INPP4B: variants seen among roughly 807,000 people sequenced by gnomAD.
INPP4B encodes the protein inositol polyphosphate-4-phosphatase type II B.
INPP4B carries 55 observed loss-of-function variants against 122.5 expected under a neutral mutation model. The observed-to-expected ratio is 0.45, with a 90% CI of 0.36 to 0.56. The LOEUF is 0.56. Ranked by LOEUF, INPP4B falls within the 20% of genes least tolerant of loss-of-function variation. The pLI is 0.00. For synonymous variants in INPP4B, 403 were observed against 388.7 expected, an observed-to-expected ratio of 1.04 and a Z score of -0.43; for missense variants, 1,000 against 1,097.7, an observed-to-expected ratio of 0.91 and a Z score of 1.26.
intron 2 of INPP4B, among the ~76,000 whole-genome samples, chr4:142,514,929 G>A (rs1216337787): frequency 1.3e-5 from 2 of 151,184 alleles, no homozygotes; most frequent in Non-Finnish European, 1.5e-5. Flanking sequence ...CTGAGTAGCT[G>A]GGACTACAGG....
At chr4:142,312,089 C>T (rs1302910494) in intron 8 of INPP4B, among the ~76,000 whole-genome samples, 1 of 152,134 alleles carries the variant, frequency 6.6e-6, no homozygotes, top group East Asian at 1.9e-4. Flanking sequence ...CACAGGATAC[C>T]AATTGAGATT....
chr4:142,066,028 T>C (rs1316063442), intron 25 of INPP4B, among the ~76,000 whole-genome samples: 2 of 151,908 alleles, frequency 1.3e-5, no homozygotes, highest in Non-Finnish European at 2.9e-5. Flanking sequence ...CCCCCAAGAG[T>C]GTAGAGCACC....
At chr4:142,303,495 T>G (rs892697477) in intron 9 of INPP4B, among the ~76,000 whole-genome samples, 8 of 152,108 alleles carry the variant, frequency 5.3e-5, no homozygotes, top group Admixed American at 2.6e-4. Flanking sequence ...AAGGCTGACC[T>G]AAGGCTCTTC....
intron 11 of INPP4B, among the ~76,000 whole-genome samples, chr4:142,244,112 C>G (rs914409024): frequency 1.3e-5 from 2 of 150,978 alleles, no homozygotes; most frequent in African/African-American, 4.9e-5. Flanking sequence ...CTCCCTCTGT[C>G]CATGTGTTCT....
chr4:142,313,203 T>A (rs1766218549), intron 8 of INPP4B, among the ~76,000 whole-genome samples: 1 of 151,850 alleles, frequency 6.6e-6, no homozygotes, highest in African/African-American at 2.4e-5. Flanking sequence ...ATTGGAGAAA[T>A]CTACACGACT....
At chr4:142,249,698 C>A (rs184088455) in intron 11 of INPP4B, among the ~76,000 whole-genome samples, 1 of 152,114 alleles carries the variant, frequency 6.6e-6, no homozygotes, top group Non-Finnish European at 1.5e-5. Flanking sequence ...CAGGATGAAA[C>A]GGCTGGTTGA....
At chr4:142,305,407 A>T (rs1379824492) in intron 9 of INPP4B, 51 bp downstream of exon 9, 1 of 1,373,922 alleles carries the variant, frequency 7.3e-7, no homozygotes, top group Admixed American at 1.9e-5. Flanking sequence ...CCATCAATAA[A>T]TATCACTTGT....
intron 2 of INPP4B, among the ~76,000 whole-genome samples, chr4:142,641,703 T>C (rs1274450968): frequency 1.3e-5 from 2 of 152,150 alleles, no homozygotes; most frequent in Non-Finnish European, 2.9e-5. Context: ...GTCTTTGCTA[T>C]TGTGAGTAGT....
chr4:142,204,276 C>G (rs1482346785), intron 14 of INPP4B, among the ~76,000 whole-genome samples: 2 of 151,960 alleles, frequency 1.3e-5, no homozygotes, highest in Non-Finnish European at 2.9e-5. Flanking sequence ...AAAACATAAG[C>G]TTGATAATTT....
At chr4:142,628,575 AAAAAAG>A in intron 2 of INPP4B, among the ~76,000 whole-genome samples, 1 of 151,376 alleles carries the variant, frequency 6.6e-6, no homozygotes, top group African/African-American at 2.4e-5. Flanking sequence ...AAAAAAAAAA[AAAAAAG>A]AATTGTTCTT....
chr4:142,494,573 T>C (rs1007947310), intron 2 of INPP4B, among the ~76,000 whole-genome samples: 11 of 152,196 alleles, frequency 7.2e-5, no homozygotes, highest in Admixed American at 7.2e-4. Context: ...CTCTCAGTTT[T>C]CTTGCATACA....
intron 1 of INPP4B, among the ~76,000 whole-genome samples, chr4:142,774,377 C>T (rs1399509746): frequency 2.0e-5 from 3 of 152,038 alleles, no homozygotes; most frequent in African/African-American, 7.3e-5. Context: ...GTGCTGCAAT[C>T]CTCTCCAAAG....
chr4:142,576,457 C>T (rs568482515), intron 2 of INPP4B, among the ~76,000 whole-genome samples: 16 of 151,784 alleles, frequency 1.1e-4, no homozygotes, highest in African/African-American at 3.4e-4. Context: ...TGTTTTTTAA[C>T]TTCCTTATCT....
At chr4:142,430,494 G>A (rs1050742815) in intron 4 of INPP4B, among the ~76,000 whole-genome samples, 1 of 152,004 alleles carries the variant, frequency 6.6e-6, no homozygotes, top group Non-Finnish European at 1.5e-5. Context: ...TGGACTACAG[G>A]AATCTTCTGA....
intron 7 of INPP4B, among the ~76,000 whole-genome samples, chr4:142,377,785 G>T (rs1792525098): frequency 6.6e-6 from 1 of 151,982 alleles, no homozygotes; most frequent in South Asian, 2.1e-4. Context: ...AATAAATACA[G>T]AAAAAATAAG....
intron 25 of INPP4B, among the ~76,000 whole-genome samples, chr4:142,072,767 A>G (rs1020689693): frequency 6.6e-6 from 1 of 152,074 alleles, no homozygotes. Flanking sequence ...TGTCTCTTTT[A>G]GCGCTCATGA....
chr4:142,712,408 T>C (rs1763225266), intron 2 of INPP4B, among the ~76,000 whole-genome samples: 1 of 152,216 alleles, frequency 6.6e-6, no homozygotes, highest in African/African-American at 2.4e-5. Flanking sequence ...AAGATGCAGA[T>C]ACCTATACAT....
chr4:142,225,014 T>C (rs1850926091), intron 12 of INPP4B, among the ~76,000 whole-genome samples: 1 of 152,068 alleles, frequency 6.6e-6, no homozygotes, highest in African/African-American at 2.4e-5. Flanking sequence ...TGTTTCTGGG[T>C]GTATCTGGGT....
In INPP4B at chr4:142,550,534, G is replaced by C. The variant is rs1727711604; in HGVS notation, c.-190-87808C>G. Reference sequence around the variant, plus strand: ...TATCCAGAATAGAAATTCTTTTCAAGTTTTTTCTCTCCTATCTCTTGATCT... The same window carrying C: ...TATCCAGAATAGAAATTCTTTTCAACTTTTTTCTCTCCTATCTCTTGATCT... On this transcript the variant is annotated intron_variant, in intron 2 of 25. Coordinates refer to ENST00000262992, the MANE Select transcript of INPP4B (RefSeq NM_001101669.3). Among the ~76,000 whole-genome samples the C allele has an allele frequency of 1.3e-5, 2 of 150,412 alleles. 1 individual carries two copies. The highest frequency in any genetic ancestry group is 4.2e-4 in the South Asian group (2 of 4,754).
Sources: allele counts gnomAD v4.1 joint callset (sites outside exome capture counted in the v4.1 genomes callset), GRCh38; gene constraint gnomAD v4.1.1; transcripts MANE v1.5; gene names NCBI Gene and HGNC (gene_info 2026-07-23, HGNC 2026-07-21).